AHCYL2: variants seen among roughly 807,000 people sequenced by gnomAD.
AHCYL2 encodes S-adenosylhomocysteine hydrolase-like protein 2.
In AHCYL2, 28 loss-of-function variants were observed where a neutral mutation model predicts 81.4. The ratio of observed to expected loss-of-function variants is 0.34; its 90% CI spans 0.25 to 0.47. AHCYL2 has a LOEUF of 0.47. AHCYL2 is among the 20% of genes least tolerant of loss of function. The pLI, the probability that AHCYL2 is intolerant of heterozygous loss-of-function variation, is 1.00. For missense variants in AHCYL2, 551 were observed against 785.1 expected (o/e 0.70, Z 3.56); for synonymous variants, 272 against 290.2 (o/e 0.94, Z 0.64).
At chr7:129,239,436 T>C (rs981774348) in intron 1 of AHCYL2, among the ~76,000 whole-genome samples, 1 of 151,874 alleles carries the variant, frequency 6.6e-6, no homozygotes, top group African/African-American at 2.4e-5. Flanking sequence ...ATTAATTTTT[T>C]TTTTTTTTTT....
intron 1 of AHCYL2, among the ~76,000 whole-genome samples, chr7:129,305,233 G>A (rs553408443): frequency 9.9e-5 from 15 of 152,126 alleles, no homozygotes; most frequent in South Asian, 2.1e-4. Flanking sequence ...AGGCCGAGGC[G>A]GGCAGATCAC....
intron 1 of AHCYL2, among the ~76,000 whole-genome samples, chr7:129,275,402 CAAAAAATA>C (rs1231750055): frequency 6.6e-5 from 10 of 150,994 alleles, no homozygotes; most frequent in Non-Finnish European, 1.2e-4. Flanking sequence ...ACCTTGTCTC[CAAAAAATA>C]AAAAAATAAA....
chr7:129,244,132 G>A (rs1325093807), intron 1 of AHCYL2, among the ~76,000 whole-genome samples: 3 of 151,414 alleles, frequency 2.0e-5, no homozygotes, highest in African/African-American at 7.3e-5. Flanking sequence ...CCCTGTAGCT[G>A]GGACTACAGG....
chr7:129,272,544 G>A (rs946876925), intron 1 of AHCYL2, among the ~76,000 whole-genome samples: 4 of 152,202 alleles, frequency 2.6e-5, no homozygotes, highest in Non-Finnish European at 4.4e-5. Flanking sequence ...GGGACCTTGA[G>A]AAGACAGTGA....
chr7:129,305,558 G>A (rs889067636), intron 1 of AHCYL2, among the ~76,000 whole-genome samples: 1 of 151,948 alleles, frequency 6.6e-6, no homozygotes, highest in Non-Finnish European at 1.5e-5. Flanking sequence ...TTATTGTACT[G>A]TGTCTTGAAA....
chr7:129,405,266 G>GT, intron 8 of AHCYL2, 53 bp downstream of exon 8: 1 of 1,397,024 alleles, frequency 7.2e-7, no homozygotes, highest in South Asian at 1.4e-5. Flanking sequence ...GAGATTCTAA[G>GT]TTTTTTGGCT....
intron 1 of AHCYL2, among the ~76,000 whole-genome samples, chr7:129,358,210 G>A (rs1157511486): frequency 6.6e-6 from 1 of 151,762 alleles, no homozygotes; most frequent in Non-Finnish European, 1.5e-5. Context: ...TGGCTAACAC[G>A]ATGAAACCCC....
intron 1 of AHCYL2, among the ~76,000 whole-genome samples, chr7:129,337,931 C>T (rs1349665001): frequency 2.0e-5 from 3 of 150,590 alleles, no homozygotes; most frequent in Non-Finnish European, 4.4e-5. Context: ...TTAGTAGAGA[C>T]GGGGGTTTCT....
chr7:129,255,603 C>T (rs1018572428), intron 1 of AHCYL2, among the ~76,000 whole-genome samples: 8 of 152,166 alleles, frequency 5.3e-5, no homozygotes, highest in Admixed American at 2.6e-4. Flanking sequence ...TGCGTGCGCA[C>T]GCGCATGTTT....
intron 1 of AHCYL2, among the ~76,000 whole-genome samples, chr7:129,260,196 C>G (rs1393145886): frequency 6.6e-6 from 1 of 151,968 alleles, no homozygotes; most frequent in Non-Finnish European, 1.5e-5. Context: ...AGTTTCCTTC[C>G]TCCTACTTCA....
intron 1 of AHCYL2, among the ~76,000 whole-genome samples, chr7:129,305,747 G>C (rs1797417813): frequency 6.6e-6 from 1 of 152,298 alleles, no homozygotes; most frequent in South Asian, 2.1e-4. Context: ...TCAGATTGAA[G>C]AACTCACTTT....
chr7:129,305,676 T>C (rs970303322), intron 1 of AHCYL2, among the ~76,000 whole-genome samples: 2 of 152,360 alleles, frequency 1.3e-5, no homozygotes, highest in Middle Eastern at 3.4e-3. Flanking sequence ...TTCTGTGTAC[T>C]ATTACCAGTG....
intron 1 of AHCYL2, among the ~76,000 whole-genome samples, chr7:129,263,503 C>T (rs375397910): frequency 1.3e-5 from 2 of 152,142 alleles, no homozygotes; most frequent in Admixed American, 6.5e-5. Flanking sequence ...CTTTGCTTTC[C>T]GGGATTACCT....
At chr7:129,250,285 A>G (rs1416508588) in intron 1 of AHCYL2, among the ~76,000 whole-genome samples, 2 of 152,144 alleles carry the variant, frequency 1.3e-5, no homozygotes, top group African/African-American at 4.8e-5. Flanking sequence ...AAACAAACAA[A>G]CCAAAAAGTT....
At chr7:129,340,047 C>T (rs964707658) in intron 1 of AHCYL2, among the ~76,000 whole-genome samples, 8 of 150,276 alleles carry the variant, frequency 5.3e-5, no homozygotes, top group East Asian at 4.0e-4. Flanking sequence ...GCCTCCCTAG[C>T]AGCTGGGACT....
Position 129,426,300 on chromosome 7 carries a change from C to T in AHCYL2, c.1709-143C>T. On this transcript the variant is annotated intron_variant, in intron 15 of 16. Transcript: ENST00000325006. This position sits in a 1 kb window ranked among gnomAD's most constrained non-coding sequence, Gnocchi z 4.3. ...GGCAGCTATTCCTTAGAATTGAGGA[C>T]CAGTGAGCGAAGGTTGAACATTTTT... 1 of 1,215,618 alleles carries T rather than the reference C, an allele frequency of 8.2e-7. No homozygotes were observed. The allele number at this position is 1,215,618 out of a possible 1,614,324, so 75.3% of individuals were successfully genotyped here.
In AHCYL2 at chr7:129,244,167, A is replaced by ATT. The variant is rs201537468; in HGVS notation, c.363+18742_363+18743dup. ...GTGTATGGGCCATCATGCCTAATTC[A>ATT]TTTTTTTTTTTTTTTCTGTAGATAC... On this transcript the variant is annotated intron_variant, in intron 1 of 16. Coordinates refer to ENST00000325006, the MANE Select transcript of AHCYL2 (RefSeq NM_015328.4). Among the ~76,000 whole-genome samples, 598 of 123,210 alleles carry ATT rather than the reference A, an allele frequency of 4.9e-3. 9 individuals carry two copies. The highest frequency in any genetic ancestry group is 0.017 in the African/African-American group (554 of 33,214). The allele number at this position is 123,210 out of a possible 152,430, so 80.8% of individuals were successfully genotyped here. A position where few individuals can be genotyped will look rare whatever the true frequency, so the allele number is the denominator to read the frequency against.
At chr7:129,281,025 G>A (rs1326019805) in intron 1 of AHCYL2, among the ~76,000 whole-genome samples, 1 of 151,778 alleles carries the variant, frequency 6.6e-6, no homozygotes, top group Non-Finnish European at 1.5e-5. Context: ...CACCATGCCT[G>A]GCTAATTTTT....
intron 1 of AHCYL2, among the ~76,000 whole-genome samples, chr7:129,300,361 T>G (rs1797217934): frequency 1.3e-5 from 2 of 152,184 alleles, no homozygotes; most frequent in Non-Finnish European, 2.9e-5. Flanking sequence ...TTCTTTTAAT[T>G]TTTATCTCCC....
Sources: allele counts gnomAD v4.1 joint callset (sites outside exome capture counted in the v4.1 genomes callset), GRCh38; gene constraint gnomAD v4.1.1; non-coding constraint Gnocchi (gnomAD v3.1); transcripts MANE v1.5; gene names NCBI Gene and HGNC (gene_info 2026-07-23, HGNC 2026-07-21).